The following PCDHGA6 variants were observed in gnomAD, a reference collection of about 807,000 sequenced individuals.
PCDHGA6 encodes protocadherin gamma-A6.
Under a neutral mutation model 60.6 loss-of-function variants are expected in PCDHGA6, and 41 were observed. The observed-to-expected ratio is 0.68, with a 90% CI of 0.53 to 0.88. The LOEUF is 0.88. PCDHGA6 is among the 40% of genes least tolerant of loss of function. The pLI is 0.00. For synonymous variants in PCDHGA6, 594 were observed against 524.4 expected, an observed-to-expected ratio of 1.13 and a Z score of -1.81; for missense variants, 1,312 against 1,203.0, an observed-to-expected ratio of 1.09 and a Z score of -1.34.
intron 1 of PCDHGA6, among the ~76,000 whole-genome samples, chr5:141,479,050 C>T (rs1484021560): frequency 6.6e-6 from 1 of 152,164 alleles, no homozygotes; most frequent in African/African-American, 2.4e-5. Context: ...ACCTCATTCT[C>T]AGATAATTTT....
chr5:141,399,611 T>A, intron 1 of PCDHGA6: 2 of 1,613,930 alleles, frequency 1.2e-6, no homozygotes, highest in Non-Finnish European at 1.7e-6. Flanking sequence ...CTAGAGCCTC[T>A]GGCACTGGCC....
Position 141,512,554 on chromosome 5 carries a change from T to TAG in PCDHGA6, c.*1383_*1384dup, listed in dbSNP as rs2099884300. ...AAGTTCCCCAGTGCCTCCTTGTGCA[T>TAG]AGACCTTCTTCTCCCACCCCCTTCT... is the stretch of plus-strand genomic sequence containing the variant. On this transcript the variant is annotated 3_prime_UTR_variant, in exon 4 of 4. Coordinates refer to ENST00000517434, the MANE Select transcript of PCDHGA6 (RefSeq NM_018919.3). 6.5e-6 allele frequency: 1 copy of TAG among 153,012 alleles called. No homozygotes were observed. Among genetic ancestry groups the TAG allele is most frequent in the Non-Finnish European group, 1.5e-5 (1 of 68,482 alleles). 9.5% of individuals were successfully genotyped at this position (153,012 alleles called of 1,614,324 possible).
intron 1 of PCDHGA6, chr5:141,422,315 C>T: frequency 6.5e-7 from 1 of 1,547,896 alleles, no homozygotes; most frequent in Non-Finnish European, 8.7e-7. Flanking sequence ...AACTCTCCTC[C>T]AGGTACAGTG....
At position 141,505,495 on chromosome 5, in the gene PCDHGA6, G is replaced by A. The variant is rs767547572; in HGVS notation, c.2572+14G>A. On this transcript the variant is annotated intron_variant, in intron 3 of 3. Transcript: ENST00000517434. ...CGTCCGCCAGTGGTAAGTGGTGTCA[G>A]TGTGTGTATGGAAGAGTGGGAGACC... The A allele has an allele frequency of 7.9e-5, 128 of 1,614,092 alleles. No homozygotes were observed. Among genetic ancestry groups the A allele is most frequent in the Non-Finnish European group, 1.0e-4 (123 of 1,180,008 alleles).
Position 141,489,424 on chromosome 5 carries a change from C to T in PCDHGA6, c.2425-5383C>T, listed in dbSNP as rs758049228. The T allele has an allele frequency of 5.0e-5, 80 of 1,613,958 alleles. No homozygotes were observed. In the Admixed American group the frequency reaches 1.1e-3, roughly 23 times the overall value. On this transcript the variant is annotated intron_variant, in intron 1 of 3. Coordinates refer to ENST00000517434, the MANE Select transcript of PCDHGA6 (RefSeq NM_018919.3). The surrounding 1 kb of genome is among the most constrained non-coding windows in gnomAD (Gnocchi z 4.5). ...CTTAAAGATGACAGATCTGTTGAGC[C>T]GGCGGCTGCAATTGGGCTCTGAGGA...
rs761227475 is a variant in PCDHGA6 at position 141,489,382 on chromosome 5, G to A, written c.2425-5425G>A. 4 of 1,613,872 alleles carry A rather than the reference G, an allele frequency of 2.5e-6. No homozygotes were observed. The highest frequency in any genetic ancestry group is 1.7e-5 in the Admixed American group (1 of 60,006). On this transcript the variant is annotated intron_variant, in intron 1 of 3. Coordinates refer to ENST00000517434, the MANE Select transcript of PCDHGA6 (RefSeq NM_018919.3). The surrounding 1 kb of genome is among the most constrained non-coding windows in gnomAD (Gnocchi z 4.5). ...TGAGCCGGGGACGCTGGTGGGGAATGTTGCTCAGGATCTGGGCTTAAAGAT... is the reference window on the plus strand; with the variant it reads ...TGAGCCGGGGACGCTGGTGGGGAATATTGCTCAGGATCTGGGCTTAAAGAT...
intron 1 of PCDHGA6, among the ~76,000 whole-genome samples, chr5:141,430,143 A>C (rs1451633366): frequency 2.0e-5 from 3 of 152,180 alleles, no homozygotes; most frequent in Non-Finnish European, 4.4e-5. Flanking sequence ...TCCATTCAGG[A>C]TCATTCAAGG....
Position 141,485,187 on chromosome 5 carries a change from T to A in PCDHGA6, c.2425-9620T>A, listed in dbSNP as rs1325714839. ...CGGGCGGCAGCAATGCTCCGCAAGG[T>A]GAGAAGCTGGACAGAAATCTGGCGG... On this transcript the variant is annotated intron_variant, in intron 1 of 3. Transcript: ENST00000517434. This position sits in a 1 kb window ranked among gnomAD's most constrained non-coding sequence, Gnocchi z 5.7. 1 of 1,613,502 alleles carries A rather than the reference T, an allele frequency of 6.2e-7. No individual in the cohort carries two copies. The highest frequency in any genetic ancestry group is 1.7e-5 in the Admixed American group (1 of 60,018).
At chr5:141,382,115 A>G (rs1777964060) in intron 1 of PCDHGA6, among the ~76,000 whole-genome samples, 2 of 152,100 alleles carry the variant, frequency 1.3e-5, no homozygotes, top group African/African-American at 4.8e-5. Flanking sequence ...GGCGTGAGCA[A>G]CAGCACCTGG....
Position 141,376,493 on chromosome 5 carries a change from C to A in PCDHGA6, c.2410C>A (p.Pro804Thr). The A allele has an allele frequency of 6.2e-7, 1 of 1,614,130 alleles. No homozygotes were observed. Among genetic ancestry groups the A allele is most frequent in the South Asian group, 1.1e-5 (1 of 91,088 alleles). Residue 804 changes from proline (P) to threonine (T), a missense_variant, in exon 1 of 4, where the codon CCC becomes ACC. By Grantham distance (38) the Pro-to-Thr change is conservative. Coordinates refer to ENST00000517434, the MANE Select transcript of PCDHGA6 (RefSeq NM_018919.3). Reference sequence around the variant, plus strand: ...GGATTTACTTGAAACGAAAGGAGAACCCAGGCAACTTCAGGTGAGTTTCTT... The same window carrying A: ...GGATTTACTTGAAACGAAAGGAGAAACCAGGCAACTTCAGGTGAGTTTCTT... The part of the protein sequence containing the change: ...TQDLLETKGE[P>T]RQLQQAPPNT...
intron 1 of PCDHGA6, chr5:141,402,820 C>T: frequency 1.6e-6 from 2 of 1,288,164 alleles, no homozygotes; most frequent in Admixed American, 3.0e-5. Context: ...CACAAACCTG[C>T]TCCCAGGCTG....
chr5:141,417,627 G>C, intron 1 of PCDHGA6: 1 of 694,264 alleles, frequency 1.4e-6, no homozygotes, highest in Non-Finnish European at 2.3e-6. Flanking sequence ...AGCAAGCGCT[G>C]ACGCCGGGGA....
In PCDHGA6 at chr5:141,511,007, G is replaced by C. The variant is rs780918754; in HGVS notation, c.2633G>C (p.Arg878Pro). Residue 878 changes from arginine to proline, a missense_variant, in exon 4 of 4, where the codon CGC (arginine) becomes CCC (proline). Physicochemically the swap from Arg to Pro is moderately radical, Grantham distance 103. Coordinates refer to ENST00000517434, the MANE Select transcript of PCDHGA6 (RefSeq NM_018919.3). Reference protein sequence around the residue: ...GGAGTMGLSARYGPQFTLQHV... With the variant: ...GGAGTMGLSAPYGPQFTLQHV... ...GCCGGCACCATGGGATTGAGCGCCC[G>C]CTACGGACCCCAGTTCACCCTGCAG... The C allele has an allele frequency of 1.9e-6, 3 of 1,614,042 alleles. No homozygotes were observed. The highest frequency in any genetic ancestry group is 2.7e-5 in the African/African-American group (2 of 74,910).
chr5:141,386,917 T>C (rs535277219), intron 1 of PCDHGA6, among the ~76,000 whole-genome samples: 1 of 152,302 alleles, frequency 6.6e-6, no homozygotes, highest in Non-Finnish European at 1.5e-5. Flanking sequence ...CCAAGGAATG[T>C]AAAATAAGTG....
chr5:141,400,566 A>G (rs754437274), intron 1 of PCDHGA6: 94 of 1,612,572 alleles, frequency 5.8e-5, no homozygotes, highest in Non-Finnish European at 7.7e-5. Flanking sequence ...TACCCACCCA[A>G]TTTTCTGTAT....
chr5:141,478,435 G>A, intron 1 of PCDHGA6: 1 of 1,613,736 alleles, frequency 6.2e-7, no homozygotes, highest in Non-Finnish European at 8.5e-7. Context: ...ACCCGCTGCT[G>A]AAGAAACCTG....
intron 1 of PCDHGA6, chr5:141,403,694 C>A (rs746395931): frequency 2.5e-6 from 4 of 1,613,878 alleles, no homozygotes; most frequent in Admixed American, 1.7e-5. Context: ...ACGGATTTAC[C>A]GAGTTAAAGT....
At chr5:141,408,619 T>C in intron 1 of PCDHGA6, 1 of 1,613,974 alleles carries the variant, frequency 6.2e-7, no homozygotes, top group South Asian at 1.1e-5. Context: ...AGGAAATACA[T>C]TTAGAAATTT....
intron 1 of PCDHGA6, chr5:141,403,387 C>T: frequency 6.2e-7 from 1 of 1,614,042 alleles, no homozygotes; most frequent in Non-Finnish European, 8.5e-7. Context: ...TTAACGAAAT[C>T]GCGGTTCCTG....
Sources: gnomAD v4.1 joint callset for allele counts (sites outside exome capture counted in the v4.1 genomes callset) on GRCh38, gnomAD v4.1.1 for gene constraint, Gnocchi (gnomAD v3.1) non-coding constraint, MANE v1.5 for transcripts, NCBI Gene and HGNC (gene_info 2026-07-23, HGNC 2026-07-21) for gene names.